TRUB2: variants seen among roughly 807,000 people sequenced by gnomAD.
The protein encoded by TRUB2 is pseudouridylate synthase TRUB2, mitochondrial.
Under a neutral mutation model 31.9 loss-of-function variants are expected in TRUB2, and 31 were observed. The observed-to-expected ratio is 0.97, with a 90% CI of 0.73 to 1.31. The LOEUF (loss-of-function observed/expected upper bound fraction) is 1.31, where lower values mean the gene tolerates loss of function less well. TRUB2 is among the 50% of genes most tolerant of loss of function. The probability of loss-of-function intolerance (pLI) is 0.00; values close to 1 mark genes in which losing one functional copy is unlikely to be tolerated. For missense variants in TRUB2, 451 were observed against 439.6 expected (o/e 1.03, Z -0.23); for synonymous variants, 201 against 182.6 (o/e 1.10, Z -0.81).
rs745763080 is a variant in TRUB2, at chr9:128,310,989, A to T, written c.568T>A (p.Tyr190Asn). 44 of 1,614,096 alleles carry T rather than the reference A, an allele frequency of 2.7e-5. No homozygotes were observed. Among genetic ancestry groups the T allele is most frequent in the Non-Finnish European group, 3.6e-5 (43 of 1,180,030 alleles). Residue 190 changes from tyrosine to asparagine, a missense_variant, in exon 7 of 8, where the codon TAT becomes AAT. Tyr to Asn is a moderately radical substitution (Grantham distance 143, BLOSUM62 -2). Transcript: ENST00000372890. ...SNLDLKTQEA[Y>N]EMAVRGLIRP... ...ATCAGGCCTCTCACGGCCATCTCAT[A>T]GGCCTCCTGGGTCTTCAGGTCGAGG...
At chr9:128,320,943 C>T (rs1175867361) in intron 2 of TRUB2, among the ~76,000 whole-genome samples, 1 of 152,122 alleles carries the variant, frequency 6.6e-6, no homozygotes, top group Non-Finnish European at 1.5e-5. Context: ...CGCCTGCCAC[C>T]ACTCCCGGCT....
At chr9:128,313,925 C>T in intron 4 of TRUB2, 36 bp from the exon 5 acceptor site, 4 of 1,601,904 alleles carry the variant, frequency 2.5e-6, no homozygotes, top group Non-Finnish European at 3.4e-6. Context: ...CGTCAGTGAC[C>T]CCATTCTAAG....
Position 128,308,557 on chromosome 9 carries a change from T to G in TRUB2, c.*993A>C, listed in dbSNP as rs1831906248. 1 of 151,000 alleles carries G rather than the reference T, an allele frequency of 6.6e-6. No homozygotes were observed. Among genetic ancestry groups the G allele is most frequent in the South Asian group, 2.1e-4 (1 of 4,768 alleles). The allele number at this position is 151,000 out of a possible 1,614,324, so 9.4% of individuals were successfully genotyped here. A position where few individuals can be genotyped will look rare whatever the true frequency, so the allele number is the denominator to read the frequency against. On this transcript the variant is annotated 3_prime_UTR_variant, in exon 8 of 8. Transcript: ENST00000372890. The stretch of plus-strand genomic sequence containing the variant: ...ACAAAAACAAAAACAAAAAAATGAT[T>G]AACATTTCAATCAGTCAATGGGTAG...
chr9:128,313,257 T>C (rs1446563179), intron 5 of TRUB2, among the ~76,000 whole-genome samples: 1 of 138,618 alleles, frequency 7.2e-6, no homozygotes, highest in Non-Finnish European at 1.5e-5. Flanking sequence ...CTGGGCGCGG[T>C]GGCTCATGCC....
Position 128,312,096 on chromosome 9 carries a change from A to T in TRUB2, c.461-495T>A, listed in dbSNP as rs763556840. ...GTGATCCGCCCGCCTCGGCCTCCCA[A>T]AGTGCTGAGATTACAGGTGTGAGCC... is the stretch of plus-strand genomic sequence containing the variant. On this transcript the variant is annotated intron_variant, in intron 5 of 7. Transcript: ENST00000372890. Among the ~76,000 whole-genome samples, 65 of 150,394 alleles carry T rather than the reference A, an allele frequency of 4.3e-4. 1 individual carries two copies. Among genetic ancestry groups the T allele is most frequent in the Non-Finnish European group, 1.0e-4 (7 of 67,754 alleles).
Position 128,322,318 on chromosome 9 carries a change from C to T in TRUB2, c.91G>A (p.Glu31Lys). The T allele has an allele frequency of 6.2e-7, 1 of 1,614,128 alleles. No individual in the cohort carries two copies. The highest frequency in any genetic ancestry group is 2.2e-5 in the East Asian group (1 of 44,878). The change falls in exon 1 of 8, where the codon GAG becomes AAG. Residue 31 changes from glutamate to lysine, a missense_variant. Transcript: ENST00000372890. ...LKWKHLRDTV[E>K]LQLLKGLNAR... ...CACTCACCCTTCAGAAGTTGTAGCT[C>T]CACTGTATCCCGCAGGTGCTTCCAT...
chr9:128,306,044 C>A lies in TRUB2; in HGVS notation c.*3506G>T, dbSNP rs926349565. The A allele has an allele frequency of 6.6e-6, 1 of 152,190 alleles. No homozygotes were observed. Among genetic ancestry groups the A allele is most frequent in the Non-Finnish European group, 1.5e-5 (1 of 68,034 alleles). 9.4% of individuals were successfully genotyped at this position (152,190 alleles called of 1,614,324 possible). On this transcript the variant is annotated 3_prime_UTR_variant, in exon 8 of 8. Coordinates refer to ENST00000372890, the MANE Select transcript of TRUB2 (RefSeq NM_015679.3). Reference sequence around the variant, plus strand: ...GCTTAAACACCTCATGATGCTTACACATTTGGTACATTTTTAACAATCGTT... The same window carrying A: ...GCTTAAACACCTCATGATGCTTACAAATTTGGTACATTTTTAACAATCGTT...
At chr9:128,314,743 T>A (rs1255768627) in intron 4 of TRUB2, among the ~76,000 whole-genome samples, 1 of 152,082 alleles carries the variant, frequency 6.6e-6, no homozygotes, top group Non-Finnish European at 1.5e-5. Context: ...TTTTATAATT[T>A]AAAAAAATTT....
intron 1 of TRUB2, among the ~76,000 whole-genome samples, 155 bp downstream of exon 1, chr9:128,322,145 G>A (rs1445706354): frequency 6.6e-6 from 1 of 152,216 alleles, no homozygotes; most frequent in Admixed American, 6.5e-5. Flanking sequence ...ACAGAGGAAA[G>A]TGAGGAGTAA....
At position 128,311,538 on chromosome 9, in the gene TRUB2, G is replaced by A. The variant is rs771534202; in HGVS notation, c.524C>T (p.Ala175Val). The change falls in exon 6 of 8, where the codon GCC becomes GTC. Residue 175 changes from alanine (A) to valine (V), a missense_variant. Ala to Val is a moderately conservative substitution (Grantham distance 64, BLOSUM62 0). Coordinates refer to ENST00000372890, the MANE Select transcript of TRUB2 (RefSeq NM_015679.3). ...TGAGGGCCCTACTCACATCACCAGGGCCTTCTGATGGGAGCCTTGGATAAC... is the reference window on the plus strand; with the variant it reads ...TGAGGGCCCTACTCACATCACCAGGACCTTCTGATGGGAGCCTTGGATAAC... ...LAVIQGSHQK[A>V]LVMYSNLDLK... 2.5e-6 allele frequency: 4 copies of A among 1,614,100 alleles called. No homozygotes were observed. Among genetic ancestry groups the A allele is most frequent in the Non-Finnish European group, 3.4e-6 (4 of 1,179,976 alleles).
At chr9:128,311,294 A>C in intron 6 of TRUB2, 1 of 624,792 alleles carries the variant, frequency 1.6e-6, no homozygotes, top group African/African-American at 1.8e-5. Context: ...TTGCCATTAG[A>C]TCATATACTC....
chr9:128,313,668 CA>C, intron 5 of TRUB2, 139 bp downstream of exon 5: 1 of 735,140 alleles, frequency 1.4e-6, no homozygotes. Context: ...TCCTGGAGCA[CA>C]GATCCCGTGG....
intron 2 of TRUB2, among the ~76,000 whole-genome samples, chr9:128,318,405 G>A (rs1832103469): frequency 6.6e-6 from 1 of 152,014 alleles, no homozygotes; most frequent in African/African-American, 2.4e-5. Context: ...CCTACCTTAG[G>A]ACTTCTACCT....
At chr9:128,313,708 G>A (rs1391305206) in intron 5 of TRUB2, 100 bp downstream of exon 5, 4 of 1,027,760 alleles carry the variant, frequency 3.9e-6, no homozygotes, top group African/African-American at 1.6e-5. Flanking sequence ...CCTAGTGTGT[G>A]CAGTGGAACT....
chr9:128,315,456 C>G (rs79330760), intron 4 of TRUB2, 111 bp downstream of exon 4: 62,662 of 1,091,526 alleles, frequency 0.057, 2,203 homozygotes, highest in Non-Finnish European at 0.068. Context: ...CAAAAAAATG[C>G]TTGCTTATGG....
rs765921189 is a variant in TRUB2, at chr9:128,321,616, A to C, written c.224T>G (p.Phe75Cys). 10 of 1,613,920 alleles carry C rather than the reference A, an allele frequency of 6.2e-6. No individual in the cohort carries two copies. The Admixed American group carries it at 1.3e-4, about 22-fold the overall frequency. Reference protein sequence around the residue: ...LTLTATSVPSFINHPLVCGPA... With the variant: ...LTLTATSVPSCINHPLVCGPA... ...TGCCTTACCCAGTGGATGGTTGATG[A>C]AAGAGGGTACGCTGGTGGCTGTGAG... Residue 75 changes from phenylalanine (F) to cysteine (C), a missense_variant, in exon 2 of 8, where the codon TTC (phenylalanine) becomes TGC (cysteine). Transcript: ENST00000372890.
At chr9:128,313,344 G>C (rs1194611937) in intron 5 of TRUB2, among the ~76,000 whole-genome samples, 1 of 151,312 alleles carries the variant, frequency 6.6e-6, no homozygotes, top group Non-Finnish European at 1.5e-5. Flanking sequence ...GGCTAACATG[G>C]TGAAACCCCG....
rs758318951 is a variant in TRUB2 at position 128,321,634 on chromosome 9, G to A, written c.206C>T (p.Ala69Val). ...GSEEKELTLT[A>V]TSVPSFINHP... ...GTTGATGAAAGAGGGTACGCTGGTG[G>A]CTGTGAGGGTCAGCTCCTTCTCTTC... Residue 69 changes from alanine (A) to valine (V), a missense_variant, in exon 2 of 8, where the codon GCC becomes GTC. Coordinates refer to ENST00000372890, the MANE Select transcript of TRUB2 (RefSeq NM_015679.3). The A allele has an allele frequency of 6.2e-7, 1 of 1,614,078 alleles. No homozygotes were observed. Among genetic ancestry groups the A allele is most frequent in the South Asian group, 1.1e-5 (1 of 91,074 alleles).
chr9:128,314,012 C>T, intron 4 of TRUB2, 123 bp from the exon 5 acceptor site: 2 of 750,414 alleles, frequency 2.7e-6, no homozygotes, highest in African/African-American at 1.7e-5. Flanking sequence ...TGCCCAGCCC[C>T]TGCCCAGCTG....
Sources: allele counts gnomAD v4.1 joint callset (sites outside exome capture counted in the v4.1 genomes callset), GRCh38; gene constraint gnomAD v4.1.1; transcripts MANE v1.5; gene names NCBI Gene and HGNC (gene_info 2026-07-23, HGNC 2026-07-21).